The following SLC9A2 variants were observed in gnomAD, a reference collection of about 807,000 sequenced individuals.
The protein encoded by SLC9A2 is sodium/hydrogen exchanger 2.
In SLC9A2, 42 loss-of-function variants were observed where a neutral mutation model predicts 71.7. The ratio of observed to expected loss-of-function variants is 0.59; its 90% CI spans 0.46 to 0.76. The LOEUF (loss-of-function observed/expected upper bound fraction) is 0.76, where lower values mean the gene tolerates loss of function less well. Among genes scored for constraint, SLC9A2 ranks in the 30% least tolerant of loss-of-function variants. The probability of loss-of-function intolerance (pLI) is 0.00; values close to 1 mark genes in which losing one functional copy is unlikely to be tolerated. For missense variants in SLC9A2, 829 were observed against 1,017.4 expected (o/e 0.81, Z 2.52); for synonymous variants, 396 against 392.5 (o/e 1.01, Z -0.10).
chr2:102,632,550 C>T (rs1320378023), intron 1 of SLC9A2, among the ~76,000 whole-genome samples: 1 of 152,014 alleles, frequency 6.6e-6, no homozygotes, highest in Admixed American at 6.6e-5. Context: ...TGCACATGGG[C>T]TTTCTCATCT....
In SLC9A2 at chr2:102,708,378, G is replaced by C; in HGVS notation, c.2328G>C (p.Glu776Asp). 2.5e-6 allele frequency: 4 copies of C among 1,614,228 alleles called. No homozygotes were observed. The highest frequency in any genetic ancestry group is 3.4e-6 in the Non-Finnish European group (4 of 1,180,044). Residue 776 changes from glutamate to aspartate, a missense_variant, in exon 12 of 12, where the codon GAG (glutamate) becomes GAC (aspartate). Coordinates refer to ENST00000233969, the MANE Select transcript of SLC9A2 (RefSeq NM_003048.6). Reference sequence around the variant, plus strand: ...TCTCTAAAGACCAGTCTGGCTCAGAGAGGGAAGACAGTTTGACTGAAGGCA... The same window carrying C: ...TCTCTAAAGACCAGTCTGGCTCAGACAGGGAAGACAGTTTGACTGAAGGCA... The part of the protein sequence containing the change: ...PLLSKDQSGS[E>D]REDSLTEGIP...
chr2:102,627,891 T>G (rs1481946160), intron 1 of SLC9A2, among the ~76,000 whole-genome samples: 7 of 152,276 alleles, frequency 4.6e-5, no homozygotes. Flanking sequence ...AATATTATTT[T>G]CAATAGTTTC....
chr2:102,672,537 C>A lies in SLC9A2; in HGVS notation c.1004+7187C>A, dbSNP rs573670674. Among the ~76,000 whole-genome samples the A allele has an allele frequency of 5.3e-5, 8 of 152,274 alleles. No homozygotes were observed. In the South Asian group the frequency reaches 1.7e-3, roughly 32 times the overall value. On this transcript the variant is annotated intron_variant, in intron 3 of 11. Transcript: ENST00000233969. ...ATTGTGCTCTTTATAAAGACCATTTCTTTGAGAATGGGGAAGTTTAGAAAG... is the reference window on the plus strand; with the variant it reads ...ATTGTGCTCTTTATAAAGACCATTTATTTGAGAATGGGGAAGTTTAGAAAG...
chr2:102,645,566 A>T (rs1353686516), intron 1 of SLC9A2, among the ~76,000 whole-genome samples: 1 of 151,884 alleles, frequency 6.6e-6, no homozygotes, highest in Non-Finnish European at 1.5e-5. Context: ...AAAAGGTTAT[A>T]GGAGCTGCCA....
chr2:102,697,107 G>A (rs557861987), intron 7 of SLC9A2, among the ~76,000 whole-genome samples: 1 of 152,184 alleles, frequency 6.6e-6, no homozygotes, highest in South Asian at 2.1e-4. Context: ...GTACTTTTCT[G>A]AAATGACATA....
chr2:102,642,045 A>T (rs200948934), intron 1 of SLC9A2, among the ~76,000 whole-genome samples: 3 of 59,158 alleles, frequency 5.1e-5, no homozygotes, highest in South Asian at 9.3e-4. Context: ...CTTAAAATAT[A>T]ATAATAATAA....
At chr2:102,696,080 T>C (rs1327732608) in intron 7 of SLC9A2, among the ~76,000 whole-genome samples, 1 of 151,866 alleles carries the variant, frequency 6.6e-6, no homozygotes, top group Non-Finnish European at 1.5e-5. Context: ...CTAGGAGCAG[T>C]GGGGTACAGG....
chr2:102,634,123 T>G (rs544842234), intron 1 of SLC9A2, among the ~76,000 whole-genome samples: 1 of 152,304 alleles, frequency 6.6e-6, no homozygotes, highest in Non-Finnish European at 1.5e-5. Flanking sequence ...TTCACCACAC[T>G]TTAATGATGT....
At chr2:102,688,157 G>A (rs573173936) in intron 5 of SLC9A2, among the ~76,000 whole-genome samples, 25 of 152,236 alleles carry the variant, frequency 1.6e-4, no homozygotes, top group African/African-American at 5.3e-4. Flanking sequence ...GATTGGTAAT[G>A]TTATTTATAT....
chr2:102,707,789 CA>C (rs1678010029), intron 11 of SLC9A2, among the ~76,000 whole-genome samples: 1 of 152,170 alleles, frequency 6.6e-6, no homozygotes, highest in African/African-American at 2.4e-5. Flanking sequence ...CCACCATCTA[CA>C]AATACCTCTT....
intron 1 of SLC9A2, among the ~76,000 whole-genome samples, chr2:102,641,762 A>G (rs1173688462): frequency 6.6e-6 from 1 of 151,992 alleles, no homozygotes; most frequent in Non-Finnish European, 1.5e-5. Context: ...GACACATTTC[A>G]TGATGGTGAG....
At chr2:102,702,603 C>A in intron 9 of SLC9A2, 101 bp downstream of exon 9, 1 of 688,640 alleles carries the variant, frequency 1.5e-6, no homozygotes. Flanking sequence ...ACACTGGGCT[C>A]AGCAGGTCCC....
At position 102,689,796 on chromosome 2, in the gene SLC9A2, A is replaced by G. The variant is rs989280628; in HGVS notation, c.1426-4618A>G. 6 of 152,376 alleles carry G rather than the reference A, an allele frequency of 3.9e-5. No homozygotes were observed. The South Asian group carries it at 1.0e-3, about 26-fold the overall frequency. The allele number at this position is 152,376 out of a possible 1,614,324, so 9.4% of individuals were successfully genotyped here. A position where few individuals can be genotyped will look rare whatever the true frequency, so the allele number is the denominator to read the frequency against. ...GCGCAGCCAGGGGAATGAAGGTGACATTTAATTTGGTGGGGACTACCTGGA... is the reference window on the plus strand; with the variant it reads ...GCGCAGCCAGGGGAATGAAGGTGACGTTTAATTTGGTGGGGACTACCTGGA... On this transcript the variant is annotated intron_variant, in intron 5 of 11. Coordinates refer to ENST00000233969, the MANE Select transcript of SLC9A2 (RefSeq NM_003048.6).
chr2:102,670,036 T>G lies in SLC9A2; in HGVS notation c.1004+4686T>G, dbSNP rs980829846. 1.1e-4 allele frequency among the ~76,000 whole-genome samples: 3 copies of G among 27,606 alleles called. No individual in the cohort carries two copies. In the African/African-American group the frequency reaches 1.5e-3, roughly 14 times the overall value. 18.1% of individuals were successfully genotyped at this position (27,606 alleles called of 152,430 possible). A position where few individuals can be genotyped will look rare whatever the true frequency, so the allele number is the denominator to read the frequency against. On this transcript the variant is annotated intron_variant, in intron 3 of 11. Coordinates refer to ENST00000233969, the MANE Select transcript of SLC9A2 (RefSeq NM_003048.6). ...ATTTTTTTTATTTTTTTATTTTTAT[T>G]TTTTATTTTTTTTGAGACAGAGTCT...
At chr2:102,647,641 T>TA (rs58262943) in intron 1 of SLC9A2, among the ~76,000 whole-genome samples, 320 of 150,358 alleles carry the variant, frequency 2.1e-3, no homozygotes, top group Non-Finnish European at 3.6e-3. Flanking sequence ...ATAGACACAA[T>TA]AAAAAAAATA....
chr2:102,672,894 A>G (rs1677281987), intron 3 of SLC9A2, among the ~76,000 whole-genome samples: 1 of 152,170 alleles, frequency 6.6e-6, no homozygotes, highest in African/African-American at 2.4e-5. Context: ...ACAACATTAA[A>G]GGCACTATTT....
In SLC9A2 at chr2:102,684,114, T is replaced by C; in HGVS notation, c.1223-20T>C. 6.2e-7 allele frequency: 1 copy of C among 1,603,642 alleles called. No homozygotes were observed. The highest frequency in any genetic ancestry group is 1.7e-4 in the Middle Eastern group (1 of 6,032). On this transcript the variant is annotated intron_variant, in intron 4 of 11. Coordinates refer to ENST00000233969, the MANE Select transcript of SLC9A2 (RefSeq NM_003048.6). ...TGGCCTCACCCAGTCTGTTTCCTCT[T>C]GGGTTTTCTTTCTTTGCAGGTGTTT...
chr2:102,665,214 A>T lies in SLC9A2; in HGVS notation c.868A>T (p.Ile290Phe), dbSNP rs775854242. The change falls in exon 3 of 12, where the codon ATC (isoleucine) becomes TTC (phenylalanine). Residue 290 changes from isoleucine (I) to phenylalanine (F), a missense_variant. Ile to Phe is a conservative substitution (Grantham distance 21). This residue lies in a region of SLC9A2 where 500 missense variants were observed against 726.3 expected (regional missense o/e 0.69). Transcript: ENST00000233969. The part of the protein sequence containing the change: ...VVGIGGVLIG[I>F]FLGFIAAFTT... ...GGGAATCGGTGGGGTGCTGATTGGC[A>T]TCTTCTTGGGCTTTATAGCGGCATT... 10 of 1,613,920 alleles carry T rather than the reference A, an allele frequency of 6.2e-6. No individual in the cohort carries two copies. In the South Asian group the frequency reaches 9.9e-5, roughly 16 times the overall value.
chr2:102,680,364 A>AAAGATGAAG (rs1280356036), intron 3 of SLC9A2, among the ~76,000 whole-genome samples: 1 of 152,156 alleles, frequency 6.6e-6, no homozygotes, highest in Admixed American at 6.6e-5. Context: ...CCAAAATATG[A>AAAGATGAAG]AAGATGAAGA....
Sources: gnomAD v4.1 joint callset for allele counts (sites outside exome capture counted in the v4.1 genomes callset) on GRCh38, gnomAD v4.1.1 for gene constraint, gnomAD v4.1.1 regional missense constraint, MANE v1.5 for transcripts, NCBI Gene and HGNC (gene_info 2026-07-23, HGNC 2026-07-21) for gene names.